The following SPEF2 variants were observed in gnomAD, a reference collection of about 807,000 sequenced individuals.
SPEF2 encodes sperm flagella and cilia-associated protein 2.
Under a neutral mutation model 224.6 loss-of-function variants are expected in SPEF2, and 187 were observed. That is an observed-to-expected ratio of 0.83 (90% CI 0.74 to 0.94). The LOEUF is 0.94. SPEF2 is among the 40% of genes least tolerant of loss of function. The pLI, the probability that SPEF2 is intolerant of heterozygous loss-of-function variation, is 0.00. For missense variants in SPEF2, 2,170 were observed against 2,135.6 expected (o/e 1.02, Z -0.32); for synonymous variants, 715 against 707.3 (o/e 1.01, Z -0.17).
At chr5:35,726,984 C>A (rs1250141838) in intron 20 of SPEF2, among the ~76,000 whole-genome samples, 2 of 72,992 alleles carry the variant, frequency 2.7e-5, no homozygotes, top group Non-Finnish European at 6.4e-5. Context: ...TCCCAAGCAC[C>A]CCCCCCCTTT....
chr5:35,703,787 T>C (rs1327759396), intron 16 of SPEF2, among the ~76,000 whole-genome samples: 1 of 152,202 alleles, frequency 6.6e-6, no homozygotes, highest in Non-Finnish European at 1.5e-5. Context: ...TTCTGTATTC[T>C]AAATTCATTT....
intron 33 of SPEF2, among the ~76,000 whole-genome samples, chr5:35,798,261 C>A (rs532449336): frequency 6.6e-6 from 1 of 152,112 alleles, no homozygotes; most frequent in Non-Finnish European, 1.5e-5. Context: ...CAAATCCTTA[C>A]GTGTCCAACC....
In SPEF2 at chr5:35,617,863, C is replaced by T; in HGVS notation, c.-135C>T. 1.2e-6 allele frequency: 1 copy of T among 844,848 alleles called. No homozygotes were observed. The highest frequency in any genetic ancestry group is 1.9e-6 in the Non-Finnish European group (1 of 513,182). The allele number at this position is 844,848 out of a possible 1,614,324, so 52.3% of individuals were successfully genotyped here. On this transcript the variant is annotated 5_prime_UTR_variant, in exon 1 of 37. Transcript: ENST00000356031. ...CCTAGCGTCCCCTCTTCTCTAAGGC[C>T]TTTCGCCTAGTTCCAGCCTGGATAC...
chr5:35,685,674 A>G (rs552604092), intron 10 of SPEF2, among the ~76,000 whole-genome samples: 2 of 152,194 alleles, frequency 1.3e-5, no homozygotes, highest in South Asian at 4.1e-4. Flanking sequence ...TGACTTGCTC[A>G]TTTCTTAATG....
chr5:35,739,868 A>G, intron 21 of SPEF2, 51 bp from the exon 22 acceptor site: 2 of 1,601,976 alleles, frequency 1.2e-6, no homozygotes, highest in Non-Finnish European at 1.7e-6. Flanking sequence ...ACTATTATTC[A>G]GAAGAACTTT....
Position 35,727,873 on chromosome 5 carries a change from A to G in SPEF2, c.3063+50A>G, listed in dbSNP as rs777837374. 5 of 1,582,004 alleles carry G rather than the reference A, an allele frequency of 3.2e-6. No individual in the cohort carries two copies. The Admixed American group carries it at 7.1e-5, about 22-fold the overall frequency. On this transcript the variant is annotated intron_variant, in intron 21 of 36. Coordinates refer to ENST00000356031, the MANE Select transcript of SPEF2 (RefSeq NM_024867.4). ...GCAGAATTCATTCTTTCTCCTGCAT[A>G]TAGTAAGATTCACACTGTCATTTGC...
At chr5:35,727,532 A>T (rs2149655095) in intron 20 of SPEF2, 143 bp from the exon 21 acceptor site, 1 of 618,616 alleles carries the variant, frequency 1.6e-6, no homozygotes, top group African/African-American at 1.9e-5. Context: ...GAGAATAAGG[A>T]TTTTTTGTAA....
chr5:35,647,612 G>A (rs1357387104), intron 5 of SPEF2, among the ~76,000 whole-genome samples: 1 of 152,032 alleles, frequency 6.6e-6, no homozygotes, highest in Non-Finnish European at 1.5e-5. Flanking sequence ...TCAACACTGG[G>A]ATCAAATTTC....
chr5:35,618,180 T>TAGCC, intron 1 of SPEF2, 125 bp downstream of exon 1: 1 of 1,017,718 alleles, frequency 9.8e-7, no homozygotes, highest in South Asian at 1.4e-5. Context: ...GGCACCTGCG[T>TAGCC]AGCCGGCAGC....
At position 35,776,384 on chromosome 5, in the gene SPEF2, T is replaced by C; in HGVS notation, c.4206T>C (p.Asn1402=). The C allele has an allele frequency of 1.2e-6, 2 of 1,608,788 alleles. No individual in the cohort carries two copies. Among genetic ancestry groups the C allele is most frequent in the East Asian group, 2.2e-5 (1 of 44,614 alleles). The change falls in exon 29 of 37, where the codon AAT becomes AAC. Residue 1402 remains asparagine (N), a synonymous_variant. Transcript: ENST00000356031. The part of the protein sequence containing the change: ...MEKWLGERYL[N]EMASTEKLTD... The stretch of plus-strand genomic sequence containing the variant: ...AATGGCTTGGTGAGAGGTATTTGAA[T>C]GAAATGGCCAGGTAAAGTACTACAT...
intron 10 of SPEF2, among the ~76,000 whole-genome samples, chr5:35,685,687 A>G (rs1002186190): frequency 6.6e-6 from 1 of 152,070 alleles, no homozygotes; most frequent in Non-Finnish European, 1.5e-5. Context: ...TCTTAATGAT[A>G]GTGTAGTAAT....
chr5:35,648,903 A>G (rs1186152210), intron 5 of SPEF2, among the ~76,000 whole-genome samples: 1 of 151,824 alleles, frequency 6.6e-6, no homozygotes, highest in Non-Finnish European at 1.5e-5. Context: ...GATCCCAGCT[A>G]CTCAGAAGGC....
intron 24 of SPEF2, among the ~76,000 whole-genome samples, chr5:35,758,429 A>G (rs1350637664): frequency 6.6e-6 from 1 of 152,182 alleles, no homozygotes; most frequent in Non-Finnish European, 1.5e-5. Flanking sequence ...GAAAAATATC[A>G]TATTCTACAT....
At chr5:35,745,472 T>G (rs191643588) in intron 23 of SPEF2, among the ~76,000 whole-genome samples, 1 of 152,136 alleles carries the variant, frequency 6.6e-6, no homozygotes, top group Non-Finnish European at 1.5e-5. Flanking sequence ...CTCGGGGCTG[T>G]TGGCAGAGGC....
chr5:35,784,777 G>T (rs1410014207), intron 30 of SPEF2, among the ~76,000 whole-genome samples: 1 of 152,002 alleles, frequency 6.6e-6, no homozygotes, highest in Non-Finnish European at 1.5e-5. Context: ...GGCTTGCAAA[G>T]AACATGCAGG....
intron 26 of SPEF2, among the ~76,000 whole-genome samples, chr5:35,768,453 C>T (rs567532671): frequency 1.1e-4 from 16 of 152,102 alleles, no homozygotes; most frequent in African/African-American, 3.6e-4. Flanking sequence ...ATAGCTATGC[C>T]TCTTGATTAA....
chr5:35,712,958 G>A (rs561242431), intron 20 of SPEF2, 72 bp downstream of exon 20: 6 of 1,349,626 alleles, frequency 4.4e-6, no homozygotes, highest in Non-Finnish European at 6.2e-6. Flanking sequence ...AAAATAGCTA[G>A]ATTTGTATAG....
intron 13 of SPEF2, among the ~76,000 whole-genome samples, chr5:35,695,020 G>C (rs1755089232): frequency 6.6e-6 from 1 of 152,106 alleles, no homozygotes; most frequent in African/African-American, 2.4e-5. Flanking sequence ...ATGAAGCCGA[G>C]CTCCTCCTGT....
At chr5:35,763,929 G>A (rs747195458) in intron 26 of SPEF2, among the ~76,000 whole-genome samples, 16 of 152,180 alleles carry the variant, frequency 1.1e-4, no homozygotes, top group Non-Finnish European at 2.4e-4. Context: ...GCTGGGCTCT[G>A]GTTCCACATG....
Sources: allele counts gnomAD v4.1 joint callset (sites outside exome capture counted in the v4.1 genomes callset), GRCh38; gene constraint gnomAD v4.1.1; transcripts MANE v1.5; gene names NCBI Gene and HGNC (gene_info 2026-07-23, HGNC 2026-07-21).